Variants in DNAH9 observed in about 807,000 individuals in gnomAD.
The protein encoded by DNAH9 is dynein axonemal heavy chain 9.
Under a neutral mutation model 471.6 loss-of-function variants are expected in DNAH9, and 345 were observed. That is an observed-to-expected ratio of 0.73 (90% CI 0.67 to 0.80). The LOEUF (loss-of-function observed/expected upper bound fraction) is 0.80, where lower values mean the gene tolerates loss of function less well. DNAH9 is among the 30% of genes least tolerant of loss of function. DNAH9 has a pLI of 0.00. For missense variants in DNAH9, 5,407 were observed against 5,609.2 expected (o/e 0.96, Z 1.15); for synonymous variants, 2,093 against 2,123.6 (o/e 0.99, Z 0.40).
At position 11,669,743 on chromosome 17, in the gene DNAH9, A is replaced by G. The variant is rs905803307; in HGVS notation, c.3302A>G (p.Lys1101Arg). The G allele has an allele frequency of 6.2e-7, 1 of 1,614,194 alleles. No homozygotes were observed. Among genetic ancestry groups the G allele is most frequent in the Non-Finnish European group, 8.5e-7 (1 of 1,180,030 alleles). Residue 1101 changes from lysine to arginine, a missense_variant, in exon 17 of 69, where the codon AAG becomes AGG. By Grantham distance (26) the Lys-to-Arg change is conservative. Transcript: ENST00000262442. ...PFKASLLNII[K>R]RWSLLFKQHL... ...AAGGCATCTCTGCTGAATATTATTAAGAGGTGGAGCCTCCTGTTCAAACAG... is the reference window on the plus strand; with the variant it reads ...AAGGCATCTCTGCTGAATATTATTAGGAGGTGGAGCCTCCTGTTCAAACAG...
At chr17:11,930,200 G>C (rs1405967391) in intron 63 of DNAH9, 107 bp downstream of exon 63, 4 of 993,678 alleles carry the variant, frequency 4.0e-6, no homozygotes, top group Non-Finnish European at 6.0e-6. Context: ...GTGCTGGTTG[G>C]GCTACGGAGC....
chr17:11,823,481 G>T (rs1178625545), intron 48 of DNAH9, among the ~76,000 whole-genome samples: 1 of 152,152 alleles, frequency 6.6e-6, no homozygotes, highest in African/African-American at 2.4e-5. Context: ...AAAGGAAATG[G>T]GGAATGGCTG....
intron 38 of DNAH9, among the ~76,000 whole-genome samples, chr17:11,771,143 TG>T (rs1968189279): frequency 6.6e-6 from 1 of 152,220 alleles, no homozygotes; most frequent in Non-Finnish European, 1.5e-5. Context: ...TATTTATTTT[TG>T]AGATGGAGTT....
intron 14 of DNAH9, among the ~76,000 whole-genome samples, chr17:11,656,953 T>C (rs1426324393): frequency 7.1e-6 from 1 of 141,376 alleles, no homozygotes; most frequent in Non-Finnish European, 1.6e-5. Context: ...AATTCCATTG[T>C]ATGAATATAA....
Position 11,942,691 on chromosome 17 carries a change from C to T in DNAH9, c.12843+206C>T, listed in dbSNP as rs149087120. 9.0e-3 allele frequency among the ~76,000 whole-genome samples: 1,367 copies of T among 152,246 alleles called. 11 individuals carry two copies. The highest frequency in any genetic ancestry group is 0.015 in the South Asian group (72 of 4,816). ...AACCAAGATGTTATACAGTCTTTGA[C>T]ATTTCTCGTCAACAAGGAAAGAGTC... On this transcript the variant is annotated intron_variant, in intron 67 of 68. Coordinates refer to ENST00000262442, the MANE Select transcript of DNAH9 (RefSeq NM_001372.4).
chr17:11,694,737 T>C (rs1361039517), intron 22 of DNAH9, among the ~76,000 whole-genome samples: 41 of 4,054 alleles, frequency 0.01, 14 homozygotes, highest in Non-Finnish European at 0.028. Flanking sequence ...TTTCTCTTTC[T>C]TTCTTTCTTT....
At position 11,969,670 on chromosome 17, in the gene DNAH9, T is replaced by C; in HGVS notation, c.*143T>C. 3 of 716,302 alleles carry C rather than the reference T, an allele frequency of 4.2e-6. No individual in the cohort carries two copies. Among genetic ancestry groups the C allele is most frequent in the South Asian group, 3.9e-5 (2 of 51,502 alleles). The allele number at this position is 716,302 out of a possible 1,614,324, so 44.4% of individuals were successfully genotyped here. ...ATTCTGTAGAATTCCTCTAGGGAAC[T>C]TGGAGAGGTGTGCCTAAGGTGAGGC... On this transcript the variant is annotated 3_prime_UTR_variant, in exon 69 of 69. Transcript: ENST00000262442.
In DNAH9 at chr17:11,762,770, G is replaced by GTTTTTTTTT. The variant is rs563544881; in HGVS notation, c.6996-651_6996-643dup. 5.0e-4 allele frequency among the ~76,000 whole-genome samples: 45 copies of GTTTTTTTTT among 90,778 alleles called. 1 individual carries two copies. Among genetic ancestry groups the GTTTTTTTTT allele is most frequent in the Middle Eastern group, 7.1e-3 (1 of 140 alleles). The allele number at this position is 90,778 out of a possible 152,430, so 59.6% of individuals were successfully genotyped here. A position where few individuals can be genotyped will look rare whatever the true frequency, so the allele number is the denominator to read the frequency against. On this transcript the variant is annotated intron_variant, in intron 35 of 68. Transcript: ENST00000262442. ...CCTCTTTAGGTGCGTTTTTTTTTTT[G>GTTTTTTTTT]TTTTTTTTTTTTTTTTTTTTTTTTT...
At chr17:11,671,180 C>A (rs537790001) in intron 17 of DNAH9, among the ~76,000 whole-genome samples, 1 of 152,158 alleles carries the variant, frequency 6.6e-6, no homozygotes, top group Non-Finnish European at 1.5e-5. Flanking sequence ...TTCATTGCTA[C>A]GTCTGGTAAT....
intron 58 of DNAH9, among the ~76,000 whole-genome samples, chr17:11,893,325 G>A (rs4791481): frequency 0.64 from 97,676 of 151,848 alleles, 32,762 homozygotes; most frequent in Middle Eastern, 0.75. Flanking sequence ...ATGGAACGTC[G>A]TCCCTTCTGT....
Position 11,623,051 on chromosome 17 carries a change from A to G in DNAH9, c.1350+3270A>G, listed in dbSNP as rs540786664. Among the ~76,000 whole-genome samples, 696 of 144,932 alleles carry G rather than the reference A, an allele frequency of 4.8e-3. 3 individuals carry two copies. The highest frequency in any genetic ancestry group is 8.1e-3 in the Non-Finnish European group (543 of 67,038). ...TGCAGTGGCACAATCTCGGCTCACG[A>G]CAACCTCTGCCTCCTGGGTTCAAGC... On this transcript the variant is annotated intron_variant, in intron 6 of 68. Transcript: ENST00000262442. The surrounding 1 kb of genome is among the most constrained non-coding windows in gnomAD (Gnocchi z 4.1).
At chr17:11,939,247 G>T (rs1439473989) in intron 66 of DNAH9, among the ~76,000 whole-genome samples, 1 of 152,066 alleles carries the variant, frequency 6.6e-6, no homozygotes, top group Non-Finnish European at 1.5e-5. Flanking sequence ...AAAATAAAGA[G>T]AAGAACCCAC....
intron 14 of DNAH9, among the ~76,000 whole-genome samples, chr17:11,654,878 A>G (rs1456340777): frequency 1.3e-5 from 2 of 152,136 alleles, no homozygotes; most frequent in Non-Finnish European, 2.9e-5. Context: ...GAGCTGTCTG[A>G]CTGTAGCTCT....
intron 48 of DNAH9, among the ~76,000 whole-genome samples, chr17:11,825,626 G>A (rs1970462127): frequency 6.6e-6 from 1 of 152,178 alleles, no homozygotes; most frequent in African/African-American, 2.4e-5. Flanking sequence ...GCTGCACATA[G>A]TGGAGAATCC....
At chr17:11,609,101 C>T (rs1444617549) in intron 2 of DNAH9, among the ~76,000 whole-genome samples, 1 of 152,170 alleles carries the variant, frequency 6.6e-6, no homozygotes, top group African/African-American at 2.4e-5. Context: ...TACATGAGCT[C>T]GGTCTGCCAC....
chr17:11,910,254 CA>C (rs556634817), intron 61 of DNAH9, among the ~76,000 whole-genome samples: 137 of 136,486 alleles, frequency 1.0e-3, no homozygotes, highest in East Asian at 5.7e-3. Flanking sequence ...GACTCCATCT[CA>C]AAAAAAAAAA....
intron 54 of DNAH9, among the ~76,000 whole-genome samples, chr17:11,880,444 T>C (rs541730899): frequency 7.2e-5 from 11 of 152,220 alleles, no homozygotes; most frequent in Non-Finnish European, 1.0e-4. Context: ...TCCTTCTAAA[T>C]GGCCACAGTG....
intron 9 of DNAH9, among the ~76,000 whole-genome samples, chr17:11,638,342 A>T (rs1004254252): frequency 6.6e-6 from 1 of 152,058 alleles, no homozygotes; most frequent in South Asian, 2.1e-4. Context: ...GTAACAAATG[A>T]CCACGACCTT....
intron 4 of DNAH9, among the ~76,000 whole-genome samples, chr17:11,614,232 TAC>T (rs2072695767): frequency 6.6e-6 from 1 of 152,140 alleles, no homozygotes; most frequent in Non-Finnish European, 1.5e-5. Flanking sequence ...CCTAAATAGA[TAC>T]ACTATGTGCA....
Sources: allele counts gnomAD v4.1 joint callset (sites outside exome capture counted in the v4.1 genomes callset), GRCh38; gene constraint gnomAD v4.1.1; non-coding constraint Gnocchi (gnomAD v3.1); transcripts MANE v1.5; gene names NCBI Gene and HGNC (gene_info 2026-07-23, HGNC 2026-07-21).